Variants in ANKS4B observed in about 807,000 individuals in gnomAD.
The protein encoded by ANKS4B is ankyrin repeat and SAM domain-containing protein 4B.
Under a neutral mutation model 20.2 loss-of-function variants are expected in ANKS4B, and 21 were observed. That is an observed-to-expected ratio of 1.04 (90% CI 0.74 to 1.50). ANKS4B has a LOEUF of 1.50. Among genes scored for constraint, ANKS4B ranks in the 40% most tolerant of loss-of-function variants. The probability of loss-of-function intolerance (pLI) is 0.00; values close to 1 mark genes in which losing one functional copy is unlikely to be tolerated. For missense variants in ANKS4B, 473 were observed against 494.6 expected, an observed-to-expected ratio of 0.96 and a Z score of 0.41; for synonymous variants, 179 against 194.5, an observed-to-expected ratio of 0.92 and a Z score of 0.66.
intron 1 of ANKS4B, among the ~76,000 whole-genome samples, chr16:21,247,416 C>A (rs1469198535): frequency 2.0e-5 from 3 of 152,166 alleles, no homozygotes; most frequent in Non-Finnish European, 2.9e-5. Flanking sequence ...CAACGTTGAG[C>A]AGCCAGGAAC....
intron 1 of ANKS4B, among the ~76,000 whole-genome samples, chr16:21,234,198 C>A (rs951283126): frequency 2.0e-5 from 3 of 152,020 alleles, no homozygotes; most frequent in Admixed American, 2.0e-4. Context: ...TTTAAAAATG[C>A]TTTTCATGAA....
At position 21,251,100 on chromosome 16, in the gene ANKS4B, T is replaced by A. The variant is rs1376096692; in HGVS notation, c.*280T>A. The A allele has an allele frequency of 3.0e-6, 1 of 328,778 alleles. No individual in the cohort carries two copies. The highest frequency in any genetic ancestry group is 5.5e-6 in the Non-Finnish European group (1 of 180,446). The allele number at this position is 328,778 out of a possible 1,614,324, so 20.4% of individuals were successfully genotyped here. A position where few individuals can be genotyped will look rare whatever the true frequency, so the allele number is the denominator to read the frequency against. The stretch of plus-strand genomic sequence containing the variant: ...TAATTGTTTTTGTGGTTGTTTTGTT[T>A]TGTTTTGTTTTGTTTTTTGGAGATG... On this transcript the variant is annotated 3_prime_UTR_variant, in exon 2 of 2. Transcript: ENST00000311620.
chr16:21,237,171 C>T (rs1402543015), intron 1 of ANKS4B, among the ~76,000 whole-genome samples: 3 of 152,114 alleles, frequency 2.0e-5, no homozygotes. Flanking sequence ...CAGGCGTGCA[C>T]TACCACGCCG....
In ANKS4B at chr16:21,236,228, A is replaced by G. The variant is rs545220982; in HGVS notation, c.164+2327A>G. On this transcript the variant is annotated intron_variant, in intron 1 of 1. Coordinates refer to ENST00000311620, the MANE Select transcript of ANKS4B (RefSeq NM_145865.3). ...GGGGGAGGTGCTAGAAACCAGATCT[A>G]ATGAGAGCTCACTATCATGAGGACA... Among the ~76,000 whole-genome samples, 5 of 152,264 alleles carry G rather than the reference A, an allele frequency of 3.3e-5. No individual in the cohort carries two copies. The South Asian group carries it at 1.0e-3, about 32-fold the overall frequency.
rs2093341662 is a variant in ANKS4B at position 21,253,067 on chromosome 16, C to T, written c.*2247C>T. 1.3e-5 allele frequency: 2 copies of T among 151,320 alleles called. No homozygotes were observed. 9.4% of individuals were successfully genotyped at this position (151,320 alleles called of 1,614,324 possible). ...AAGAAAAAAGAAACTGACAACACTG[C>T]TGCTGACATTTTTTCAATGGCAATC... On this transcript the variant is annotated 3_prime_UTR_variant, in exon 2 of 2. Coordinates refer to ENST00000311620, the MANE Select transcript of ANKS4B (RefSeq NM_145865.3).
intron 1 of ANKS4B, among the ~76,000 whole-genome samples, chr16:21,239,912 G>C (rs982502866): frequency 6.6e-6 from 1 of 152,006 alleles, no homozygotes; most frequent in Non-Finnish European, 1.5e-5. Flanking sequence ...ACAAACACTC[G>C]TGATATGAGT....
intron 1 of ANKS4B, among the ~76,000 whole-genome samples, chr16:21,247,254 A>AG (rs2093333489): frequency 1.3e-5 from 2 of 152,040 alleles, no homozygotes. Flanking sequence ...TAGTAGAGAC[A>AG]GGGTTTCACA....
In ANKS4B at chr16:21,251,064, A is replaced by G; in HGVS notation, c.*244A>G. 2 of 458,046 alleles carry G rather than the reference A, an allele frequency of 4.4e-6. No individual in the cohort carries two copies. Among genetic ancestry groups the G allele is most frequent in the Non-Finnish European group, 7.7e-6 (2 of 261,148 alleles). 28.4% of individuals were successfully genotyped at this position (458,046 alleles called of 1,614,324 possible). ...TCTGGCATTTCTCTTCAGTTATCTTATATGTACATATAATTGTTTTTGTGG... is the reference window on the plus strand; with the variant it reads ...TCTGGCATTTCTCTTCAGTTATCTTGTATGTACATATAATTGTTTTTGTGG... On this transcript the variant is annotated 3_prime_UTR_variant, in exon 2 of 2. Transcript: ENST00000311620.
rs2093337846 is a variant in ANKS4B at position 21,250,491 on chromosome 16, T to C, written c.925T>C (p.Ser309Pro). Residue 309 changes from serine to proline, a missense_variant, in exon 2 of 2, where the codon TCA (serine) becomes CCA (proline). Physicochemically the swap from Ser to Pro is moderately conservative, Grantham distance 74. Coordinates refer to ENST00000311620, the MANE Select transcript of ANKS4B (RefSeq NM_145865.3). ...TGAATTGCTTCAAAGACAAGGAGCA[T>C]CAGAGGCTGATGAGGGTGCAGCTGA... is the stretch of plus-strand genomic sequence containing the variant. ...PSELLQRQGA[S>P]EADEGAADEE... The C allele has an allele frequency of 1.2e-6, 2 of 1,614,100 alleles. No homozygotes were observed. The highest frequency in any genetic ancestry group is 1.3e-5 in the African/African-American group (1 of 75,034).
intron 1 of ANKS4B, among the ~76,000 whole-genome samples, chr16:21,247,962 T>A (rs777598348): frequency 6.6e-6 from 1 of 152,194 alleles, no homozygotes; most frequent in Admixed American, 6.5e-5. Context: ...AATGCCCTTT[T>A]AATGAATAAT....
At chr16:21,239,797 C>A (rs897386274) in intron 1 of ANKS4B, among the ~76,000 whole-genome samples, 7 of 152,124 alleles carry the variant, frequency 4.6e-5, no homozygotes. Flanking sequence ...TCTTAGCGAG[C>A]TAACGCAGGA....
At chr16:21,242,498 T>TGGGCGCCCAGCC (rs1340674074) in intron 1 of ANKS4B, among the ~76,000 whole-genome samples, 1 of 152,206 alleles carries the variant, frequency 6.6e-6, no homozygotes, top group African/African-American at 2.4e-5. Flanking sequence ...TAGGAGACTT[T>TGGGCGCCCAGCC]TTTAGATTCC....
chr16:21,238,996 T>A (rs1567225152), intron 1 of ANKS4B: 1 of 152,264 alleles, frequency 6.6e-6, no homozygotes, highest in East Asian at 1.9e-4. Flanking sequence ...CCATAGCTAA[T>A]CCTGGGAACC....
rs746792050 is a variant in ANKS4B at position 21,249,705 on chromosome 16, A to AT, written c.165-18dup. 32 of 1,551,812 alleles carry AT rather than the reference A, an allele frequency of 2.1e-5. No individual in the cohort carries two copies. The East Asian group carries it at 3.9e-4, about 19-fold the overall frequency. Reference sequence around the variant, plus strand: ...TTCAGAGAAAAAAAGTCCAACATGTATTTTTTTTCTCTCTCTCTCTTCTAG... The same window carrying AT: ...TTCAGAGAAAAAAAGTCCAACATGTATTTTTTTTTCTCTCTCTCTCTTCTAG... On this transcript the variant is annotated intron_variant, in intron 1 of 1. Transcript: ENST00000311620.
chr16:21,242,433 A>G (rs1597605077), intron 1 of ANKS4B, among the ~76,000 whole-genome samples: 1 of 152,090 alleles, frequency 6.6e-6, no homozygotes, highest in Non-Finnish European at 1.5e-5. Context: ...TGATCTGCCC[A>G]CCTCAGCCTC....
Position 21,250,201 on chromosome 16 carries a change from A to T in ANKS4B, c.635A>T (p.Asn212Ile). The T allele has an allele frequency of 1.2e-6, 2 of 1,614,202 alleles. No homozygotes were observed. Among genetic ancestry groups the T allele is most frequent in the Non-Finnish European group, 1.7e-6 (2 of 1,180,034 alleles). Residue 212 changes from asparagine (N) to isoleucine (I), a missense_variant, in exon 2 of 2, where the codon AAC (asparagine) becomes ATC (isoleucine). Transcript: ENST00000311620. ...KDTFKIKFKKNKDTAEQVGKE... is the reference protein window; with the variant it reads ...KDTFKIKFKKIKDTAEQVGKE... ...ACTTTCAAGATCAAGTTCAAGAAGAACAAAGATACAGCAGAACAGGTGGGG... is the reference window on the plus strand; with the variant it reads ...ACTTTCAAGATCAAGTTCAAGAAGATCAAAGATACAGCAGAACAGGTGGGG...
At chr16:21,248,304 C>T (rs1343255720) in intron 1 of ANKS4B, among the ~76,000 whole-genome samples, 2 of 146,696 alleles carry the variant, frequency 1.4e-5, no homozygotes, top group African/African-American at 2.5e-5. Context: ...ATTACAGGCA[C>T]GAGCCACTGA....
At chr16:21,244,430 T>C (rs907256221) in intron 1 of ANKS4B, among the ~76,000 whole-genome samples, 2 of 152,028 alleles carry the variant, frequency 1.3e-5, no homozygotes, top group Admixed American at 1.3e-4. Context: ...TAAAGCAAAA[T>C]AAAAATTCAG....
At chr16:21,234,963 C>A (rs1323445880) in intron 1 of ANKS4B, among the ~76,000 whole-genome samples, 2 of 152,290 alleles carry the variant, frequency 1.3e-5, no homozygotes, top group East Asian at 3.9e-4. Flanking sequence ...GTCCTCCCAT[C>A]TGAGCCTCCC....
Sources: gnomAD v4.1 joint callset for allele counts (sites outside exome capture counted in the v4.1 genomes callset) on GRCh38, gnomAD v4.1.1 for gene constraint, MANE v1.5 for transcripts, NCBI Gene and HGNC (gene_info 2026-07-23, HGNC 2026-07-21) for gene names.